LIMD1: variants seen among roughly 807,000 people sequenced by gnomAD.
LIMD1 encodes LIM domain containing 1.
LIMD1 carries 23 observed loss-of-function variants against 58.4 expected under a neutral mutation model. That is an observed-to-expected ratio of 0.39 (90% CI 0.28 to 0.56). The LOEUF is 0.56. Ranked by LOEUF, LIMD1 falls within the 20% of genes least tolerant of loss-of-function variation. The pLI is 0.57. For missense variants in LIMD1, 838 were observed against 855.5 expected, an observed-to-expected ratio of 0.98 and a Z score of 0.25; for synonymous variants, 334 against 345.5, an observed-to-expected ratio of 0.97 and a Z score of 0.37.
At position 45,668,067 on chromosome 3, in the gene LIMD1, A is replaced by G. The variant is rs180832765; in HGVS notation, c.1579-227A>G. On this transcript the variant is annotated intron_variant, in intron 3 of 7. Transcript: ENST00000273317. ...AGAGCCTGGCATGCTGTGGGTGCCC[A>G]GACACAGTCATTGTTAGAGTGAGTG... is the stretch of plus-strand genomic sequence containing the variant. 2.0e-5 allele frequency among the ~76,000 whole-genome samples: 3 copies of G among 152,340 alleles called. No homozygotes were observed. In the East Asian group the frequency reaches 5.8e-4, roughly 29 times the overall value.
At chr3:45,669,877 C>G (rs4683137) in intron 4 of LIMD1, among the ~76,000 whole-genome samples, 37,941 of 152,100 alleles carry the variant, frequency 0.25, 5,643 homozygotes, top group East Asian at 0.54. Flanking sequence ...GCTGTGAATA[C>G]TCTTGAACAT....
chr3:45,616,338 C>CA lies in LIMD1; in HGVS notation c.1409-19810dup, dbSNP rs1212309508. On this transcript the variant is annotated intron_variant, in intron 1 of 7. Coordinates refer to ENST00000273317, the MANE Select transcript of LIMD1 (RefSeq NM_014240.3). ...TCTCGAGGGACAGCTGGACAAGTGT[C>CA]AATGAGTTGAGATTGTTAGAAGGTT... Among the ~76,000 whole-genome samples the CA allele has an allele frequency of 4.6e-5, 7 of 152,296 alleles. No individual in the cohort carries two copies. In the East Asian group the frequency reaches 1.3e-3, roughly 29 times the overall value.
At chr3:45,665,298 TG>T (rs1697501287) in intron 2 of LIMD1, among the ~76,000 whole-genome samples, 1 of 151,976 alleles carries the variant, frequency 6.6e-6, no homozygotes, top group Non-Finnish European at 1.5e-5. Flanking sequence ...CACAAGAGAC[TG>T]TTGCTTGGAT....
intron 2 of LIMD1, among the ~76,000 whole-genome samples, chr3:45,657,017 C>G (rs573446513): frequency 1.3e-5 from 2 of 152,230 alleles, no homozygotes; most frequent in South Asian, 4.2e-4. Flanking sequence ...CTGGATCCTG[C>G]TCTTGATTGG....
intron 2 of LIMD1, among the ~76,000 whole-genome samples, chr3:45,641,035 T>C (rs1189579832): frequency 6.6e-6 from 1 of 152,182 alleles, no homozygotes; most frequent in Non-Finnish European, 1.5e-5. Flanking sequence ...TACCTCAGTT[T>C]TCAGCAGAAG....
At position 45,641,493 on chromosome 3, in the gene LIMD1, A is replaced by C. The variant is rs527543081; in HGVS notation, c.1510+5242A>C. On this transcript the variant is annotated intron_variant, in intron 2 of 7. Coordinates refer to ENST00000273317, the MANE Select transcript of LIMD1 (RefSeq NM_014240.3). ...TATAGTATGTAAAGCCAGATTTTAT[A>C]TATAATTATATATATTTTATTTTAT... is the stretch of plus-strand genomic sequence containing the variant. 7.0e-3 allele frequency among the ~76,000 whole-genome samples: 1,043 copies of C among 148,586 alleles called. 10 individuals are homozygous for C. The highest frequency in any genetic ancestry group is 0.024 in the African/African-American group (984 of 40,970).
At chr3:45,625,171 C>A (rs987674100) in intron 1 of LIMD1, among the ~76,000 whole-genome samples, 3 of 152,096 alleles carry the variant, frequency 2.0e-5, no homozygotes, top group Non-Finnish European at 2.9e-5. Context: ...ATAGTGATTT[C>A]TCTTATGTGT....
Position 45,595,219 on chromosome 3 carries a change from C to G in LIMD1, c.340C>G (p.Pro114Ala), listed in dbSNP as rs1052846401. The change falls in exon 1 of 8, where the codon CCT becomes GCT. Residue 114 changes from proline to alanine, a missense_variant. By Grantham distance (27) the Pro-to-Ala change is conservative (BLOSUM62 -1). Around this residue, in one of 3 missense-constraint regions of LIMD1, gnomAD observed 659 missense variants for 639.8 expected, o/e 1.03. Transcript: ENST00000273317. ...TCCTCTTGCTGCCTCGACAGGGGCA[C>G]CTGGGGCAGTCACCACCCTCGCTGC... Reference protein sequence around the residue: ...KPPLAASTGAPGAVTTLAAGQ... With the variant: ...KPPLAASTGAAGAVTTLAAGQ... The G allele has an allele frequency of 6.2e-7, 1 of 1,602,486 alleles. No homozygotes were observed. Among genetic ancestry groups the G allele is most frequent in the Admixed American group, 1.7e-5 (1 of 59,640 alleles).
rs778122676 is a variant in LIMD1 at position 45,674,409 on chromosome 3, G to C, written c.1891G>C (p.Glu631Gln). Residue 631 changes from glutamate to glutamine, a missense_variant and splice_region_variant, in exon 7 of 8, where the codon GAG becomes CAG. Coordinates refer to ENST00000273317, the MANE Select transcript of LIMD1 (RefSeq NM_014240.3). ...CTACCACGTGGAGTGTTACCACTGC[G>C]AGGTAGACCCCTCCCCACCCAGCCC... is the stretch of plus-strand genomic sequence containing the variant. ...RDYHVECYHCEDCGLELNDED... is the reference protein window; with the variant it reads ...RDYHVECYHCQDCGLELNDED... 2 of 1,612,946 alleles carry C rather than the reference G, an allele frequency of 1.2e-6. No individual in the cohort carries two copies. The highest frequency in any genetic ancestry group is 1.7e-6 in the Non-Finnish European group (2 of 1,179,156).
chr3:45,681,055 C>T lies in LIMD1; in HGVS notation c.*3996C>T, dbSNP rs1189204708. The T allele has an allele frequency of 1.3e-5, 2 of 151,508 alleles. No individual in the cohort carries two copies. Among genetic ancestry groups the T allele is most frequent in the Non-Finnish European group, 2.9e-5 (2 of 67,908 alleles). The allele number at this position is 151,508 out of a possible 1,614,324, so 9.4% of individuals were successfully genotyped here. On this transcript the variant is annotated 3_prime_UTR_variant, in exon 8 of 8. Coordinates refer to ENST00000273317, the MANE Select transcript of LIMD1 (RefSeq NM_014240.3). ...CAGAAAAAAGAGTGAAATATATTAG[C>T]TATCTTTTATTCTGAGCCAAAACTT...
At chr3:45,606,138 C>T (rs777306027) in intron 1 of LIMD1, among the ~76,000 whole-genome samples, 4 of 152,200 alleles carry the variant, frequency 2.6e-5, no homozygotes, top group Non-Finnish European at 5.9e-5. Context: ...ACCTGTATTA[C>T]GTTGTTCAAT....
chr3:45,643,150 C>T (rs537704676), intron 2 of LIMD1, among the ~76,000 whole-genome samples: 16 of 152,272 alleles, frequency 1.1e-4, no homozygotes, highest in African/African-American at 3.4e-4. Flanking sequence ...AGGAAAAACA[C>T]GCTGACTTGT....
chr3:45,684,102 G>T lies in LIMD1; in HGVS notation c.*7043G>T, dbSNP rs1010832753. 2.6e-5 allele frequency: 4 copies of T among 152,174 alleles called. No homozygotes were observed. The highest frequency in any genetic ancestry group is 9.7e-5 in the African/African-American group (4 of 41,424). The allele number at this position is 152,174 out of a possible 1,614,324, so 9.4% of individuals were successfully genotyped here. ...AAACAGAGTAGGTCATACTCTGTGGGTTATGGTCAGAGAGATCTGGTTAGA... is the reference window on the plus strand; with the variant it reads ...AAACAGAGTAGGTCATACTCTGTGGTTTATGGTCAGAGAGATCTGGTTAGA... On this transcript the variant is annotated 3_prime_UTR_variant, in exon 8 of 8. Coordinates refer to ENST00000273317, the MANE Select transcript of LIMD1 (RefSeq NM_014240.3).
intron 7 of LIMD1, among the ~76,000 whole-genome samples, chr3:45,675,100 C>T (rs1223964614): frequency 6.6e-6 from 1 of 152,148 alleles, no homozygotes; most frequent in African/African-American, 2.4e-5. Flanking sequence ...TAGACTTGTC[C>T]CACTGCCAAC....
chr3:45,604,669 G>A (rs1018562061), intron 1 of LIMD1, among the ~76,000 whole-genome samples: 4 of 152,210 alleles, frequency 2.6e-5, no homozygotes, highest in African/African-American at 9.6e-5. Flanking sequence ...TGCCTTGGTG[G>A]CTCCCAACGG....
At chr3:45,651,029 C>T (rs1268986458) in intron 2 of LIMD1, among the ~76,000 whole-genome samples, 3 of 137,496 alleles carry the variant, frequency 2.2e-5, no homozygotes, top group African/African-American at 8.5e-5. Context: ...AATCGCCATT[C>T]TAACTGACAT....
At position 45,677,105 on chromosome 3, in the gene LIMD1, TTGCTGC is replaced by T; in HGVS notation, c.*54_*59del. 6.3e-7 allele frequency: 1 copy of T among 1,595,470 alleles called. No homozygotes were observed. Among genetic ancestry groups the T allele is most frequent in the Non-Finnish European group, 8.5e-7 (1 of 1,170,096 alleles). On this transcript the variant is annotated 3_prime_UTR_variant, in exon 8 of 8. Coordinates refer to ENST00000273317, the MANE Select transcript of LIMD1 (RefSeq NM_014240.3). ...CACGGCAGGGGATGAGGAGCCGGGG[TTGCTGC>T]TGCTGCTTCCGGTGGCCCCTGGGGT...
rs1559510788 is a variant in LIMD1, at chr3:45,595,010, C to T, written c.131C>T (p.Thr44Ile). The T allele has an allele frequency of 6.2e-7, 1 of 1,614,030 alleles. No homozygotes were observed. Residue 44 changes from threonine (T) to isoleucine (I), a missense_variant, in exon 1 of 8, where the codon ACT (threonine) becomes ATT (isoleucine). Physicochemically the swap from Thr to Ile is moderately conservative, Grantham distance 89. Around this residue, in one of 3 missense-constraint regions of LIMD1, gnomAD observed 659 missense variants for 639.8 expected, o/e 1.03. Coordinates refer to ENST00000273317, the MANE Select transcript of LIMD1 (RefSeq NM_014240.3). ...GGCAACAACCCCGAGTTTGAGGAAA[C>T]TCGCAGGGTGTTCGCCACCAAGATG... ...GAGNNPEFEETRRVFATKMAK... is the reference protein window; with the variant it reads ...GAGNNPEFEEIRRVFATKMAK...
At chr3:45,623,491 G>C (rs1462431193) in intron 1 of LIMD1, among the ~76,000 whole-genome samples, 1 of 152,168 alleles carries the variant, frequency 6.6e-6, no homozygotes, top group Non-Finnish European at 1.5e-5. Flanking sequence ...GGCAGGGCAA[G>C]CTCAAGCTCA....
Sources: gnomAD v4.1 joint callset for allele counts (sites outside exome capture counted in the v4.1 genomes callset) on GRCh38, gnomAD v4.1.1 for gene constraint, gnomAD v4.1.1 regional missense constraint, MANE v1.5 for transcripts, NCBI Gene and HGNC (gene_info 2026-07-23, HGNC 2026-07-21) for gene names.